ITGB1: variants seen among roughly 807,000 people sequenced by gnomAD.
ITGB1 encodes integrin subunit beta 1.
A neutral mutation model predicts 86.5 loss-of-function variants in ITGB1; 24 were observed. The ratio of observed to expected loss-of-function variants is 0.28; its 90% CI spans 0.20 to 0.39. The LOEUF (loss-of-function observed/expected upper bound fraction) is 0.39, where lower values mean the gene tolerates loss of function less well. ITGB1 is among the 10% of genes least tolerant of loss of function. The probability of loss-of-function intolerance (pLI) is 1.00; values close to 1 mark genes in which losing one functional copy is unlikely to be tolerated. For synonymous variants in ITGB1, 323 were observed against 316.8 expected, an observed-to-expected ratio of 1.02 and a Z score of -0.21; for missense variants, 556 against 946.9, an observed-to-expected ratio of 0.59 and a Z score of 5.42.
At position 32,922,638 on chromosome 10, in the gene ITGB1, A is replaced by AC; in HGVS notation, c.1038+1dup. 2 of 1,522,192 alleles carry AC rather than the reference A, an allele frequency of 1.3e-6. No homozygotes were observed. The highest frequency in any genetic ancestry group is 1.8e-6 in the Non-Finnish European group (2 of 1,099,968). The allele number at this position is 1,522,192 out of a possible 1,614,324, so 94.3% of individuals were successfully genotyped here. ...CTTGTTCTTTTTATCTCACACATTT[A>AC]CCTTGTAAACAGGCTGAAATTCTTC... is the stretch of plus-strand genomic sequence containing the variant. On this transcript the variant is annotated splice_donor_variant, in intron 8 of 15. Transcript: ENST00000302278. LOFTEE classifies it high-confidence loss of function.
At chr10:32,939,653 A>G (rs879704066) in intron 1 of ITGB1, among the ~76,000 whole-genome samples, 1 of 152,282 alleles carries the variant, frequency 6.6e-6, no homozygotes, top group South Asian at 2.1e-4. Flanking sequence ...AGATTTTAAA[A>G]TTGATGCACC....
intron 1 of ITGB1, among the ~76,000 whole-genome samples, chr10:32,943,327 A>T (rs769862767): frequency 6.6e-6 from 1 of 152,236 alleles, no homozygotes; most frequent in Non-Finnish European, 1.5e-5. Flanking sequence ...TCAACCAGAT[A>T]AACTAAATGT....
rs1466382149 is a variant in ITGB1 at position 32,944,937 on chromosome 10, AAT to A, written c.1-9381_1-9380del. The A allele has an allele frequency of 2.9e-5, 37 of 1,266,714 alleles. No individual in the cohort carries two copies. The African/African-American group carries it at 4.1e-4, about 14-fold the overall frequency. 78.5% of individuals were successfully genotyped at this position (1,266,714 alleles called of 1,614,324 possible). A position where few individuals can be genotyped will look rare whatever the true frequency, so the allele number is the denominator to read the frequency against. On this transcript the variant is annotated intron_variant, in intron 1 of 15. Transcript: ENST00000302278. ...GAAGCCCAAACAAAGCCAGTCCTGG[AAT>A]ATTACCAAGCTTTTCTACAAACTAA...
At chr10:32,953,017 T>A (rs2095045546) in intron 1 of ITGB1, among the ~76,000 whole-genome samples, 1 of 152,154 alleles carries the variant, frequency 6.6e-6, no homozygotes, top group Non-Finnish European at 1.5e-5. Context: ...CTGATATATA[T>A]GATATTATAC....
In ITGB1 at chr10:32,908,515, G is replaced by A; in HGVS notation, c.2184C>T (p.Asp728=). The change falls in exon 15 of 16, where the codon GAC becomes GAT. Residue 728 remains aspartate, a synonymous_variant. Transcript: ENST00000302278. Reference sequence around the variant, plus strand: ...CCACACCAGCTACAATTGGAATGATGTCTGGACCAGTGGGACACTCTGGAA... The same window carrying A: ...CCACACCAGCTACAATTGGAATGATATCTGGACCAGTGGGACACTCTGGAA... ...VENPECPTGP[D]IIPIVAGVVA... The A allele has an allele frequency of 6.2e-7, 1 of 1,613,678 alleles. No individual in the cohort carries two copies. Among genetic ancestry groups the A allele is most frequent in the South Asian group, 1.1e-5 (1 of 91,076 alleles).
rs769860225 is a variant in ITGB1 at position 32,907,109 on chromosome 10, T to G, written c.2331+1259A>C. Reference sequence around the variant, plus strand: ...ACGTCCGTAGTTTGGATTCTTGAAATTATTAATAGGACTCTTGTAAATCGG... The same window carrying G: ...ACGTCCGTAGTTTGGATTCTTGAAAGTATTAATAGGACTCTTGTAAATCGG... On this transcript the variant is annotated intron_variant, in intron 15 of 15. Transcript: ENST00000302278. The G allele has an allele frequency of 2.2e-6, 3 of 1,356,134 alleles. No homozygotes were observed. The South Asian group carries it at 3.5e-5, about 16-fold the overall frequency. 84.0% of individuals were successfully genotyped at this position (1,356,134 alleles called of 1,614,324 possible).
chr10:32,947,646 T>C (rs766830836), intron 1 of ITGB1, among the ~76,000 whole-genome samples: 6 of 152,186 alleles, frequency 3.9e-5, no homozygotes, highest in Non-Finnish European at 8.8e-5. Context: ...AATGTCTTTA[T>C]ATTGAATAAA....
chr10:32,951,292 T>C (rs149664154), intron 1 of ITGB1, among the ~76,000 whole-genome samples: 251 of 152,136 alleles, frequency 1.6e-3, no homozygotes, highest in Non-Finnish European at 3.0e-3. Context: ...ACAGAACTCA[T>C]AGACACCAAG....
At chr10:32,920,125 T>C (rs2094944559) in intron 10 of ITGB1, 41 bp from the exon 11 acceptor site, 1 of 1,571,056 alleles carries the variant, frequency 6.4e-7, no homozygotes, top group Non-Finnish European at 8.7e-7. Context: ...CTAAACAATT[T>C]AAATCTACTA....
chr10:32,910,533 T>A, intron 13 of ITGB1, 78 bp from the exon 14 acceptor site: 1 of 979,736 alleles, frequency 1.0e-6, no homozygotes, highest in Admixed American at 2.5e-5. Context: ...TTTCCCATGC[T>A]AAACTCTTGT....
intron 5 of ITGB1, 33 bp from the exon 6 acceptor site, chr10:32,926,142 AATGG>A: frequency 1.4e-6 from 2 of 1,386,248 alleles, no homozygotes; most frequent in African/African-American, 1.4e-5. Flanking sequence ...TAAATGAATG[AATGG>A]ATGGATAGAT....
At chr10:32,951,049 G>A (rs528840932) in intron 1 of ITGB1, among the ~76,000 whole-genome samples, 3 of 152,106 alleles carry the variant, frequency 2.0e-5, no homozygotes, top group Admixed American at 6.6e-5. Flanking sequence ...TTGGGGGTAG[G>A]GGGAGGTAAA....
intron 5 of ITGB1, 105 bp downstream of exon 5, chr10:32,927,989 A>G (rs2094970727): frequency 1.5e-6 from 1 of 661,246 alleles, no homozygotes; most frequent in Non-Finnish European, 2.5e-6. Flanking sequence ...TGGCTTGTTT[A>G]TCTCACAAGT....
At position 32,926,746 on chromosome 10, in the gene ITGB1, G is replaced by A. The variant is rs191631174; in HGVS notation, c.548-637C>T. 1.1e-4 allele frequency among the ~76,000 whole-genome samples: 16 copies of A among 152,134 alleles called. No individual in the cohort carries two copies. In the East Asian group the frequency reaches 2.7e-3, roughly 26 times the overall value. The stretch of plus-strand genomic sequence containing the variant: ...CAGATATGTCTTTATAGCAACGTAA[G>A]AATAGACTCCTACAGTGACCTCATC... On this transcript the variant is annotated intron_variant, in intron 5 of 15. Transcript: ENST00000302278.
intron 1 of ITGB1, among the ~76,000 whole-genome samples, chr10:32,957,335 G>A (rs572079627): frequency 3.9e-5 from 6 of 152,312 alleles, no homozygotes; most frequent in South Asian, 2.1e-4. Flanking sequence ...TGAAGCCTAA[G>A]AAATGACACG....
intron 15 of ITGB1, among the ~76,000 whole-genome samples, chr10:32,903,356 A>C (rs1161992402): frequency 2.7e-5 from 4 of 145,640 alleles, no homozygotes; most frequent in African/African-American, 1.1e-4. Flanking sequence ...CATCTCAAAA[A>C]AAAAAAAAAA....
chr10:32,939,956 CATCT>C (rs2095014370), intron 1 of ITGB1, among the ~76,000 whole-genome samples: 1 of 152,320 alleles, frequency 6.6e-6, no homozygotes, highest in South Asian at 2.1e-4. Flanking sequence ...ATGGAGCTGT[CATCT>C]CCTAAAAGAT....
At chr10:32,929,560 C>CTA (rs2094976434) in intron 4 of ITGB1, among the ~76,000 whole-genome samples, 2 of 152,196 alleles carry the variant, frequency 1.3e-5, no homozygotes, top group African/African-American at 4.8e-5. Flanking sequence ...TTTTAAAACT[C>CTA]ACTAAAGCTA....
chr10:32,938,742 CAG>C (rs759376651), intron 1 of ITGB1, among the ~76,000 whole-genome samples: 1 of 152,162 alleles, frequency 6.6e-6, no homozygotes, highest in South Asian at 2.1e-4. Flanking sequence ...TGGCAAGAAA[CAG>C]AGAGGCACTG....
Sources: gnomAD v4.1 joint callset for allele counts (sites outside exome capture counted in the v4.1 genomes callset) on GRCh38, gnomAD v4.1.1 for gene constraint, MANE v1.5 for transcripts, NCBI Gene and HGNC (gene_info 2026-07-23, HGNC 2026-07-21) for gene names.